DNAH6: variants seen among roughly 807,000 people sequenced by gnomAD.
The protein encoded by DNAH6 is dynein axonemal heavy chain 6.
Under a neutral mutation model 491.4 loss-of-function variants are expected in DNAH6, and 340 were observed. The ratio of observed to expected loss-of-function variants is 0.69; its 90% CI spans 0.63 to 0.76. The LOEUF (loss-of-function observed/expected upper bound fraction) is 0.76. Ranked by LOEUF, DNAH6 falls within the 30% of genes least tolerant of loss-of-function variation. The pLI is 0.00. For synonymous variants in DNAH6, 1,603 were observed against 1,686.1 expected, an observed-to-expected ratio of 0.95 and a Z score of 1.21; for missense variants, 4,443 against 4,972.2, an observed-to-expected ratio of 0.89 and a Z score of 3.20.
chr2:84,588,570 A>T (rs1683787501), intron 15 of DNAH6, among the ~76,000 whole-genome samples: 1 of 152,222 alleles, frequency 6.6e-6, no homozygotes. Context: ...AGGAAATGAA[A>T]GCAGATGAGG....
chr2:84,559,646 G>T (rs949999885), intron 11 of DNAH6, among the ~76,000 whole-genome samples: 2 of 152,052 alleles, frequency 1.3e-5, no homozygotes, highest in Non-Finnish European at 2.9e-5. Context: ...AGAACAGAAT[G>T]CTCTTGAACT....
At chr2:84,510,759 A>C in the DNAH6 span, among the ~76,000 whole-genome samples, 1 of 152,032 alleles carries the variant, frequency 6.6e-6, no homozygotes, top group Non-Finnish European at 1.5e-5. Flanking sequence ...TTTGGTGTGG[A>C]TGTCCTTTCT....
rs1684519766 is a variant in DNAH6 at position 84,595,773 on chromosome 2, A to G, written c.2852A>G (p.Glu951Gly). 4 of 1,543,810 alleles carry G rather than the reference A, an allele frequency of 2.6e-6. No individual in the cohort carries two copies. Among genetic ancestry groups the G allele is most frequent in the Non-Finnish European group, 3.5e-6 (4 of 1,144,910 alleles). Residue 951 changes from glutamate (E) to glycine (G), a missense_variant, in exon 18 of 77, where the codon GAA becomes GGA. Glu to Gly is a moderately conservative substitution (Grantham distance 98, BLOSUM62 -2). Transcript: ENST00000389394. ...GTGCCCCAGCTCAAATACAAGGTGG[A>G]AAAAATGAAAGAAAAGGTAAGGTTG... ...SVVPQLKYKV[E>G]KMKEKLPVII...
intron 42 of DNAH6, among the ~76,000 whole-genome samples, chr2:84,683,511 C>T (rs956448952): frequency 1.3e-5 from 2 of 149,366 alleles, no homozygotes; most frequent in Non-Finnish European, 3.0e-5. Flanking sequence ...CAACCTCCGC[C>T]TCCTGGGTTC....
the DNAH6 span, among the ~76,000 whole-genome samples, chr2:84,485,208 T>TG: frequency 5.9e-5 from 9 of 152,088 alleles, no homozygotes; most frequent in Non-Finnish European, 1.5e-5. Flanking sequence ...TGTTATCCGA[T>TG]GGGGGGTTTG....
chr2:84,521,329 G>T (rs1337776211), intron 2 of DNAH6, among the ~76,000 whole-genome samples: 2 of 151,194 alleles, frequency 1.3e-5, no homozygotes, highest in African/African-American at 2.4e-5. Flanking sequence ...TTGTTTGTGG[G>T]TTTTTTTGTA....
At chr2:84,558,495 A>G (rs375768948) in intron 11 of DNAH6, among the ~76,000 whole-genome samples, 3 of 152,040 alleles carry the variant, frequency 2.0e-5, no homozygotes, top group East Asian at 1.9e-4. Context: ...ATCGATCCAC[A>G]TGCATGTGTT....
chr2:84,593,526 A>G (rs746452783), intron 16 of DNAH6, among the ~76,000 whole-genome samples: 42 of 152,128 alleles, frequency 2.8e-4, no homozygotes, highest in Admixed American at 8.5e-4. Flanking sequence ...TGTCCTCTCC[A>G]TCTTAAACTT....
chr2:84,474,386 T>A, the DNAH6 span, among the ~76,000 whole-genome samples: 1 of 152,160 alleles, frequency 6.6e-6, no homozygotes, highest in African/African-American at 2.4e-5. Flanking sequence ...CCAAACCGGT[T>A]TGGCAGTTAG....
At chr2:84,583,006 G>A (rs1036509646) in intron 14 of DNAH6, among the ~76,000 whole-genome samples, 3 of 152,180 alleles carry the variant, frequency 2.0e-5, no homozygotes, top group African/African-American at 4.8e-5. Flanking sequence ...CAAGTAGTAC[G>A]AACATGGCTG....
chr2:84,549,450 C>G (rs1292987468), intron 8 of DNAH6, among the ~76,000 whole-genome samples: 1 of 152,182 alleles, frequency 6.6e-6, no homozygotes. Context: ...AAAATTCAAA[C>G]CTTTGGGTTA....
At position 84,819,321 on chromosome 2, in the gene DNAH6, T is replaced by G. The variant is rs979413234; in HGVS notation, c.12390T>G (p.Phe4130Leu). 1.3e-6 allele frequency: 2 copies of G among 1,550,272 alleles called. No individual in the cohort carries two copies. Among genetic ancestry groups the G allele is most frequent in the African/African-American group, 1.4e-5 (1 of 73,074 alleles). ...CTTAATTAGGACATTCAACCAATTT[T>G]GTGGTAACCGTCCTGTTACCCTCCA... is the stretch of plus-strand genomic sequence containing the variant. The part of the protein sequence containing the change: ...TLSTTGHSTN[F>L]VVTVLLPSKR... Residue 4130 changes from phenylalanine (F) to leucine (L), a missense_variant, in exon 77 of 77, where the codon TTT (phenylalanine) becomes TTG (leucine). Phe to Leu is a conservative substitution (Grantham distance 22). Coordinates refer to ENST00000389394, the MANE Select transcript of DNAH6 (RefSeq NM_001370.2).
chr2:84,586,140 A>G (rs1330815022), intron 15 of DNAH6, among the ~76,000 whole-genome samples: 1 of 152,208 alleles, frequency 6.6e-6, no homozygotes, highest in African/African-American at 2.4e-5. Flanking sequence ...AGAAGCAGGC[A>G]CTTCCAAGCC....
rs561966307 is a variant in DNAH6, at chr2:84,637,146, T to C, written c.4654-64T>C. 3.6e-6 allele frequency: 5 copies of C among 1,387,886 alleles called. No individual in the cohort carries two copies. In the African/African-American group the frequency reaches 5.8e-5, roughly 16 times the overall value. The allele number at this position is 1,387,886 out of a possible 1,614,324, so 86.0% of individuals were successfully genotyped here. A position where few individuals can be genotyped will look rare whatever the true frequency, so the allele number is the denominator to read the frequency against. ...TTACATGAGTCTTGTATTCGAGTAATAATTAGGTGAAAAATTTTACAAGTG... is the reference window on the plus strand; with the variant it reads ...TTACATGAGTCTTGTATTCGAGTAACAATTAGGTGAAAAATTTTACAAGTG... On this transcript the variant is annotated intron_variant, in intron 30 of 76. Transcript: ENST00000389394.
the DNAH6 span, among the ~76,000 whole-genome samples, chr2:84,489,475 G>T: frequency 1.3e-5 from 2 of 152,092 alleles, no homozygotes; most frequent in East Asian, 3.9e-4. Context: ...TTAGGCTTTA[G>T]GATCCTTGCT....
chr2:84,592,238 C>A (rs1684184875), intron 16 of DNAH6, among the ~76,000 whole-genome samples: 1 of 151,380 alleles, frequency 6.6e-6, no homozygotes, highest in Admixed American at 6.6e-5. Flanking sequence ...GGAACTCCTA[C>A]AACACAATAG....
chr2:84,561,655 T>TAA (rs1051146134), intron 11 of DNAH6, among the ~76,000 whole-genome samples: 60 of 152,116 alleles, frequency 3.9e-4, no homozygotes, highest in Non-Finnish European at 6.6e-4. Flanking sequence ...GACAAAGGGC[T>TAA]AATATCCAGA....
intron 4 of DNAH6, among the ~76,000 whole-genome samples, chr2:84,539,838 C>T (rs1221432499): frequency 6.6e-6 from 1 of 152,070 alleles, no homozygotes; most frequent in Admixed American, 6.6e-5. Flanking sequence ...AGATATTTTG[C>T]CATCTTTGGT....
chr2:84,673,189 A>T (rs976224168), intron 40 of DNAH6, among the ~76,000 whole-genome samples: 1 of 152,188 alleles, frequency 6.6e-6, no homozygotes, highest in African/African-American at 2.4e-5. Flanking sequence ...GAAGCAGGGA[A>T]TGTAAAATAC....
Sources: gnomAD v4.1 joint callset for allele counts (sites outside exome capture counted in the v4.1 genomes callset) on GRCh38, gnomAD v4.1.1 for gene constraint, MANE v1.5 for transcripts, NCBI Gene and HGNC (gene_info 2026-07-23, HGNC 2026-07-21) for gene names.